TRIO: variants seen among roughly 807,000 people sequenced by gnomAD.
The protein encoded by TRIO is triple functional domain protein.
TRIO carries 58 observed loss-of-function variants against 351.9 expected under a neutral mutation model. The ratio of observed to expected loss-of-function variants is 0.16; its 90% CI spans 0.13 to 0.21. The LOEUF (loss-of-function observed/expected upper bound fraction) is 0.21. Among genes scored for constraint, TRIO ranks in the 10% least tolerant of loss-of-function variants. The probability of loss-of-function intolerance (pLI) is 1.00; values close to 1 mark genes in which losing one functional copy is unlikely to be tolerated. For missense variants in TRIO, 3,201 were observed against 4,027.8 expected (o/e 0.79, Z 5.56); for synonymous variants, 1,758 against 1,595.7 (o/e 1.10, Z -2.42).
intron 42 of TRIO, 22 bp downstream of exon 42, chr5:14,479,372 G>A: frequency 6.4e-7 from 1 of 1,565,890 alleles, no homozygotes; most frequent in Middle Eastern, 1.7e-4. Flanking sequence ...GATACAAACA[G>A]AAAGTATTTC....
At chr5:14,424,127 A>G (rs1321893725) in intron 34 of TRIO, among the ~76,000 whole-genome samples, 1 of 152,014 alleles carries the variant, frequency 6.6e-6, no homozygotes, top group Non-Finnish European at 1.5e-5. Context: ...GTGAGCTTGG[A>G]GGATGCGTTC....
intron 38 of TRIO, among the ~76,000 whole-genome samples, chr5:14,472,109 G>A (rs548883018): frequency 2.0e-5 from 3 of 152,318 alleles, no homozygotes; most frequent in African/African-American, 7.2e-5. Flanking sequence ...TCAAATGGTT[G>A]TCTTCTGTTA....
At chr5:14,202,294 A>ATTTTTTTTTTTTTTTTTTTTTT (rs60827656) in intron 1 of TRIO, among the ~76,000 whole-genome samples, 4 of 33,564 alleles carry the variant, frequency 1.2e-4, no homozygotes, top group Non-Finnish European at 1.8e-4. Context: ...TATTTTTGTG[A>ATTTTTTTTTTTTTTTTTTTTTT]TTTTTTTTTT....
chr5:14,237,463 G>A (rs761900460), intron 1 of TRIO, among the ~76,000 whole-genome samples: 48 of 152,170 alleles, frequency 3.2e-4, no homozygotes, highest in Middle Eastern at 3.2e-3. Flanking sequence ...TGGCTTGCAT[G>A]TTGCCTTGAA....
chr5:14,169,918 A>G (rs1391226875), intron 1 of TRIO, among the ~76,000 whole-genome samples: 2 of 152,244 alleles, frequency 1.3e-5, no homozygotes, highest in African/African-American at 4.8e-5. Context: ...TTATTACTAA[A>G]AACAAGTGGT....
At chr5:14,221,659 TA>T (rs1376322403) in intron 1 of TRIO, among the ~76,000 whole-genome samples, 1 of 152,226 alleles carries the variant, frequency 6.6e-6, no homozygotes, top group Non-Finnish European at 1.5e-5. Flanking sequence ...GAACTAGAGC[TA>T]CAAGTGGAGC....
At chr5:14,373,175 G>A (rs409214) in intron 18 of TRIO, among the ~76,000 whole-genome samples, 1 of 152,236 alleles carries the variant, frequency 6.6e-6, no homozygotes, top group African/African-American at 2.4e-5. Flanking sequence ...GGTTTCTACC[G>A]CTGACATGTG....
At chr5:14,184,783 G>A (rs974990285) in intron 1 of TRIO, among the ~76,000 whole-genome samples, 7 of 152,276 alleles carry the variant, frequency 4.6e-5, no homozygotes, top group African/African-American at 1.2e-4. Context: ...GAGCGTGGAC[G>A]CCTCTTGGGT....
At chr5:14,232,361 G>A (rs1378917701) in intron 1 of TRIO, among the ~76,000 whole-genome samples, 1 of 152,040 alleles carries the variant, frequency 6.6e-6, no homozygotes, top group Non-Finnish European at 1.5e-5. Flanking sequence ...TTTCATCTTT[G>A]GTGGTCTTAG....
At chr5:14,306,562 C>T (rs1024681301) in intron 8 of TRIO, among the ~76,000 whole-genome samples, 5 of 152,238 alleles carry the variant, frequency 3.3e-5, no homozygotes, top group African/African-American at 1.2e-4. Context: ...ATATGAATCT[C>T]TTGCTTTGGA....
intron 17 of TRIO, among the ~76,000 whole-genome samples, 179 bp from the exon 18 acceptor site, chr5:14,369,195 C>G (rs1397702114): frequency 6.6e-6 from 1 of 152,208 alleles, no homozygotes; most frequent in Non-Finnish European, 1.5e-5. Flanking sequence ...TCTGAAAAGT[C>G]TGCCTGCTTT....
intron 1 of TRIO, among the ~76,000 whole-genome samples, chr5:14,169,556 G>A (rs570520662): frequency 2.0e-5 from 3 of 152,322 alleles, no homozygotes; most frequent in African/African-American, 7.2e-5. Context: ...AGTCTTTGGT[G>A]TTCTTTACTT....
intron 1 of TRIO, among the ~76,000 whole-genome samples, chr5:14,206,952 G>T (rs1191513839): frequency 1.3e-5 from 2 of 151,984 alleles, no homozygotes; most frequent in Non-Finnish European, 2.9e-5. Flanking sequence ...TTTTTTCTCT[G>T]TCAAGGGATG....
chr5:14,428,744 TTATATA>T (rs1750850168), intron 34 of TRIO, among the ~76,000 whole-genome samples: 1 of 152,146 alleles, frequency 6.6e-6, no homozygotes, highest in Admixed American at 6.5e-5. Flanking sequence ...CATCACAAAA[TTATATA>T]TATAGCAGAG....
chr5:14,179,194 C>T (rs1789598363), intron 1 of TRIO, among the ~76,000 whole-genome samples: 2 of 152,182 alleles, frequency 1.3e-5, no homozygotes, highest in Admixed American at 6.5e-5. Flanking sequence ...GGCCCCACCC[C>T]CCACCTTTGT....
At chr5:14,200,095 A>C (rs1791012239) in intron 1 of TRIO, among the ~76,000 whole-genome samples, 1 of 152,124 alleles carries the variant, frequency 6.6e-6, no homozygotes, top group South Asian at 2.1e-4. Flanking sequence ...CTGCCCTGCA[A>C]GAGAGTGAGA....
rs1395604107 is a variant in TRIO at position 14,241,828 on chromosome 5, T to C, written c.158-28997T>C. ...CCAGTTAGATTAGCAGTACAGCCTG[T>C]CGGTGCCAAAGATGTGGGACAAATT... is the stretch of plus-strand genomic sequence containing the variant. On this transcript the variant is annotated intron_variant, in intron 1 of 56. Coordinates refer to ENST00000344204, the MANE Select transcript of TRIO (RefSeq NM_007118.4). Among the ~76,000 whole-genome samples the C allele has an allele frequency of 3.3e-5, 5 of 152,214 alleles. No individual in the cohort carries two copies. The East Asian group carries it at 9.6e-4, about 29-fold the overall frequency.
chr5:14,175,290 A>G (rs1197519675), intron 1 of TRIO, among the ~76,000 whole-genome samples: 1 of 152,216 alleles, frequency 6.6e-6, no homozygotes, highest in Non-Finnish European at 1.5e-5. Flanking sequence ...GGTTTGTTAC[A>G]TAGCACATAT....
chr5:14,424,210 G>A (rs993232887), intron 34 of TRIO, among the ~76,000 whole-genome samples: 1 of 152,066 alleles, frequency 6.6e-6, no homozygotes, highest in African/African-American at 2.4e-5. Flanking sequence ...GACATTCTGA[G>A]TTCAGAGTTC....
Sources: allele counts gnomAD v4.1 joint callset (sites outside exome capture counted in the v4.1 genomes callset), GRCh38; gene constraint gnomAD v4.1.1; transcripts MANE v1.5; gene names NCBI Gene and HGNC (gene_info 2026-07-23, HGNC 2026-07-21).